The following LMF1 variants were observed in gnomAD, a reference collection of about 807,000 sequenced individuals.
LMF1 encodes transmembrane protein 112.
A neutral mutation model predicts 60.6 loss-of-function variants in LMF1; 68 were observed. The ratio of observed to expected loss-of-function variants is 1.12; its 90% CI spans 0.92 to 1.37. The LOEUF (loss-of-function observed/expected upper bound fraction) is 1.37, where lower values mean the gene tolerates loss of function less well. Among genes scored for constraint, LMF1 ranks in the 40% most tolerant of loss-of-function variants. The probability of loss-of-function intolerance (pLI) is 0.00; values close to 1 mark genes in which losing one functional copy is unlikely to be tolerated. For missense variants in LMF1, 948 were observed against 767.2 expected (o/e 1.24, Z -2.78); for synonymous variants, 418 against 324.7 (o/e 1.29, Z -3.09).
Position 857,444 on chromosome 16 carries a change from ACGGG to A in LMF1, c.1530-2742_1530-2739del, listed in dbSNP as rs1173495560. 1.1e-3 allele frequency among the ~76,000 whole-genome samples: 159 copies of A among 146,328 alleles called. 7 individuals are homozygous for A. The highest frequency in any genetic ancestry group is 3.5e-3 in the African/African-American group (137 of 38,680). ...GATGGGTGTGCAGTGGTGTCACGGG[ACGGG>A]TGTGAGTGGTGTCTCGGGACGGGTG... On this transcript the variant is annotated intron_variant, in intron 10 of 10. Transcript: ENST00000262301.
intron 1 of LMF1, among the ~76,000 whole-genome samples, chr16:963,724 C>T (rs1439576128): frequency 6.6e-6 from 1 of 152,170 alleles, no homozygotes; most frequent in African/African-American, 2.4e-5. Flanking sequence ...TCCAGGACCA[C>T]AGAGGAAAAC....
At chr16:863,067 T>G (rs2069511341) in intron 10 of LMF1, among the ~76,000 whole-genome samples, 1 of 152,324 alleles carries the variant, frequency 6.6e-6, no homozygotes, top group South Asian at 2.1e-4. Context: ...TTTGTGTTTT[T>G]TGAGGAATTG....
intron 4 of LMF1, chr16:903,712 C>T (rs1341898525): frequency 5.3e-4 from 65 of 121,548 alleles, no homozygotes; most frequent in Middle Eastern, 4.1e-3. Flanking sequence ...GCCCACAGGA[C>T]GCCTATCTCT....
intron 6 of LMF1, among the ~76,000 whole-genome samples, chr16:876,186 G>A (rs1321408085): frequency 2.0e-5 from 3 of 152,252 alleles, no homozygotes; most frequent in Admixed American, 6.5e-5. Context: ...TCTCGGAACC[G>A]AAGAGAAACA....
intron 2 of LMF1, among the ~76,000 whole-genome samples, chr16:943,726 C>CAA (rs3057499): frequency 0.12 from 6,409 of 55,214 alleles, 515 homozygotes; most frequent in Non-Finnish European, 0.13. Flanking sequence ...GACTCTGTCT[C>CAA]AAAAAAAAAA....
chr16:910,797 C>G (rs1052441596), intron 4 of LMF1, 134 bp downstream of exon 4: 3 of 1,113,084 alleles, frequency 2.7e-6, no homozygotes, highest in Non-Finnish European at 3.8e-6. Context: ...GAGTGCGCAG[C>G]TGGCCAGGCC....
chr16:970,868 G>A lies in LMF1; in HGVS notation c.113C>T (p.Ala38Val), dbSNP rs772359935. ...ESPPAPGRGP[A>V]GSPAHLHTGT... ...CGTGTGGAGATGGGCCGGAGAGCCT[G>A]CGGGGCCACGCCCCGGCGCGGGCGG... Residue 38 changes from alanine to valine, a missense_variant, in exon 1 of 11, where the codon GCA (alanine) becomes GTA (valine). Coordinates refer to ENST00000262301, the MANE Select transcript of LMF1 (RefSeq NM_022773.4). The A allele has an allele frequency of 8.9e-6, 14 of 1,565,218 alleles. 1 individual carries two copies. The African/African-American group carries it at 1.1e-4, about 12-fold the overall frequency.
chr16:975,180 C>T (rs1032094286), upstream of LMF1, among the ~76,000 whole-genome samples: 2 of 152,176 alleles, frequency 1.3e-5, no homozygotes, highest in African/African-American at 4.8e-5. Context: ...CGAGTGTTCC[C>T]ACCCCTGCAC....
intron 4 of LMF1, among the ~76,000 whole-genome samples, chr16:909,208 G>A (rs1269776967): frequency 1.3e-5 from 2 of 152,150 alleles, no homozygotes; most frequent in Non-Finnish European, 2.9e-5. Flanking sequence ...ACTGGCTAAG[G>A]GCTGGCGCAA....
upstream of LMF1, among the ~76,000 whole-genome samples, chr16:973,210 T>C (rs2073081213): frequency 6.6e-6 from 1 of 152,024 alleles, no homozygotes. Context: ...CCAGGTGTGG[T>C]GGCGGGCACC....
intron 4 of LMF1, among the ~76,000 whole-genome samples, chr16:904,313 G>A (rs1313208669): frequency 8.1e-6 from 1 of 123,290 alleles, no homozygotes; most frequent in African/African-American, 3.2e-5. Context: ...TGCCTGTGGG[G>A]ACGCCTGTCT....
chr16:889,122 C>A (rs978628727), intron 5 of LMF1, among the ~76,000 whole-genome samples: 1 of 152,204 alleles, frequency 6.6e-6, no homozygotes, highest in Admixed American at 6.5e-5. Flanking sequence ...CTGCAGGGCA[C>A]CCTGGTGGAG....
chr16:954,867 C>G (rs1182498210), intron 1 of LMF1, among the ~76,000 whole-genome samples: 1 of 152,200 alleles, frequency 6.6e-6, no homozygotes, highest in African/African-American at 2.4e-5. Flanking sequence ...CAACCTGCAG[C>G]AGACGCGGTG....
chr16:857,304 T>G (rs2069216310), intron 10 of LMF1, among the ~76,000 whole-genome samples: 1 of 152,260 alleles, frequency 6.6e-6, no homozygotes, highest in Non-Finnish European at 1.5e-5. Flanking sequence ...CCACTGCAAC[T>G]TCGGGTGTCC....
At chr16:856,119 G>A (rs1007651456) in intron 10 of LMF1, 15 of 374,708 alleles carry the variant, frequency 4.0e-5, no homozygotes, top group Middle Eastern at 4.0e-4. Flanking sequence ...AAAACCTCCC[G>A]GGCAGCCAAG....
At chr16:908,910 G>A (rs1230084058) in intron 4 of LMF1, among the ~76,000 whole-genome samples, 5 of 152,218 alleles carry the variant, frequency 3.3e-5, no homozygotes, top group Non-Finnish European at 2.9e-5. Context: ...AAGCTGGCAT[G>A]CCACAGAGGG....
intron 10 of LMF1, among the ~76,000 whole-genome samples, chr16:867,657 A>C (rs1300012075): frequency 6.6e-6 from 1 of 152,168 alleles, no homozygotes; most frequent in Non-Finnish European, 1.5e-5. Flanking sequence ...ATTCACAGGA[A>C]GGTGGCCCTG....
intron 10 of LMF1, among the ~76,000 whole-genome samples, 163 bp downstream of exon 10, chr16:868,781 G>A (rs538372717): frequency 4.0e-5 from 6 of 148,292 alleles, no homozygotes; most frequent in African/African-American, 1.2e-4. Flanking sequence ...TGGGGCGGGG[G>A]GGGGGGGCCC....
intron 3 of LMF1, among the ~76,000 whole-genome samples, chr16:913,830 G>GAC (rs1450261022): frequency 1.3e-5 from 2 of 152,196 alleles, no homozygotes; most frequent in Non-Finnish European, 2.9e-5. Flanking sequence ...GCACACAGAA[G>GAC]AGAGGCTTCG....
Sources: gnomAD v4.1 joint callset for allele counts (sites outside exome capture counted in the v4.1 genomes callset) on GRCh38, gnomAD v4.1.1 for gene constraint, MANE v1.5 for transcripts, NCBI Gene and HGNC (gene_info 2026-07-23, HGNC 2026-07-21) for gene names.